Variants in BMPR1B observed in about 807,000 individuals in gnomAD.
The protein encoded by BMPR1B is bone morphogenetic protein receptor type-1B.
A neutral mutation model predicts 59.1 loss-of-function variants in BMPR1B; 12 were observed. That is an observed-to-expected ratio of 0.20 (90% CI 0.13 to 0.33). The LOEUF is 0.33. Among genes scored for constraint, BMPR1B ranks in the 10% least tolerant of loss-of-function variants. The pLI is 1.00. For missense variants in BMPR1B, 550 were observed against 610.9 expected, an observed-to-expected ratio of 0.90 and a Z score of 1.05; for synonymous variants, 237 against 207.3, an observed-to-expected ratio of 1.14 and a Z score of -1.23.
chr4:95,053,949 C>G (rs773846245), intron 3 of BMPR1B, among the ~76,000 whole-genome samples: 2 of 152,102 alleles, frequency 1.3e-5, no homozygotes, highest in Non-Finnish European at 2.9e-5. Context: ...ATTATTAATT[C>G]TGCGTCTACT....
intron 2 of BMPR1B, among the ~76,000 whole-genome samples, chr4:94,950,383 G>A (rs1729885889): frequency 6.6e-6 from 1 of 152,048 alleles, no homozygotes; most frequent in African/African-American, 2.4e-5. Context: ...GTCCTGAATG[G>A]TATTGCCTAG....
At chr4:94,817,315 A>G (rs932466436) in intron 1 of BMPR1B, among the ~76,000 whole-genome samples, 3 of 152,384 alleles carry the variant, frequency 2.0e-5, no homozygotes, top group Non-Finnish European at 4.4e-5. Flanking sequence ...TGGCTGGTAT[A>G]GAAGACAGCA....
chr4:95,088,070 T>C (rs953372297), intron 3 of BMPR1B, among the ~76,000 whole-genome samples: 16 of 152,338 alleles, frequency 1.1e-4, no homozygotes, highest in African/African-American at 3.4e-4. Context: ...ATGTCCCATA[T>C]TGATTTTATT....
intron 2 of BMPR1B, among the ~76,000 whole-genome samples, chr4:94,930,472 CT>C (rs940537497): frequency 6.6e-6 from 1 of 152,068 alleles, no homozygotes; most frequent in Non-Finnish European, 1.5e-5. Flanking sequence ...CATTTGCTTT[CT>C]TATTCACTAC....
intron 1 of BMPR1B, among the ~76,000 whole-genome samples, chr4:94,842,449 C>T (rs1036350583): frequency 6.6e-6 from 1 of 152,064 alleles, no homozygotes; most frequent in African/African-American, 2.4e-5. Flanking sequence ...AAAATATTTT[C>T]CACTTTAAAG....
intron 2 of BMPR1B, among the ~76,000 whole-genome samples, chr4:94,984,135 CATT>C (rs1323797799): frequency 3.3e-5 from 5 of 152,262 alleles, no homozygotes; most frequent in Middle Eastern, 3.4e-3. Flanking sequence ...ATTAAGAAAA[CATT>C]GTTGGTGCCA....
intron 6 of BMPR1B, among the ~76,000 whole-genome samples, chr4:95,120,792 C>T (rs1274776132): frequency 6.7e-6 from 1 of 149,634 alleles, no homozygotes; most frequent in Non-Finnish European, 1.5e-5. Context: ...CTTCCCTCCC[C>T]CTGCTCCCCT....
intron 2 of BMPR1B, among the ~76,000 whole-genome samples, chr4:94,944,645 G>T (rs12512681): frequency 0.24 from 35,813 of 152,102 alleles, 4,478 homozygotes; most frequent in Middle Eastern, 0.28. Context: ...GTGAAATGAT[G>T]ATGATGTTTA....
intron 3 of BMPR1B, among the ~76,000 whole-genome samples, chr4:95,094,091 T>C (rs531593183): frequency 1.3e-5 from 2 of 152,232 alleles, no homozygotes; most frequent in Admixed American, 6.6e-5. Context: ...AGTTGATTTG[T>C]CTCACAGTGT....
At chr4:95,126,387 A>G (rs1280551534) in intron 8 of BMPR1B, among the ~76,000 whole-genome samples, 5 of 152,222 alleles carry the variant, frequency 3.3e-5, no homozygotes, top group Non-Finnish European at 7.3e-5. Context: ...TTTGGCTCAC[A>G]TCATATAATG....
chr4:94,801,451 A>G (rs1346115630), intron 1 of BMPR1B, among the ~76,000 whole-genome samples: 2 of 152,194 alleles, frequency 1.3e-5, no homozygotes, highest in Non-Finnish European at 2.9e-5. Context: ...CCGTCACTGC[A>G]CAATTAAGCC....
chr4:95,141,311 A>G (rs1734215618), intron 10 of BMPR1B, among the ~76,000 whole-genome samples: 1 of 152,024 alleles, frequency 6.6e-6, no homozygotes, highest in Admixed American at 6.6e-5. Context: ...GGATATTTAG[A>G]CTTTAATTAC....
intron 1 of BMPR1B, among the ~76,000 whole-genome samples, chr4:94,809,533 G>A (rs918388417): frequency 6.6e-5 from 10 of 152,148 alleles, no homozygotes; most frequent in African/African-American, 2.4e-4. Context: ...TGATCAGAGA[G>A]TACACACAAC....
At chr4:94,987,219 TTATA>T (rs1721476844) in intron 2 of BMPR1B, among the ~76,000 whole-genome samples, 2 of 135,710 alleles carry the variant, frequency 1.5e-5, no homozygotes, top group Non-Finnish European at 3.0e-5. Context: ...ATATATCATA[TTATA>T]TATAATATAT....
chr4:94,921,048 G>A (rs1728668180), intron 2 of BMPR1B, among the ~76,000 whole-genome samples: 1 of 152,022 alleles, frequency 6.6e-6, no homozygotes, highest in Non-Finnish European at 1.5e-5. Flanking sequence ...ACTAATAAAA[G>A]TAACTTTTTC....
intron 2 of BMPR1B, among the ~76,000 whole-genome samples, chr4:94,948,909 G>C (rs1418500596): frequency 6.6e-6 from 1 of 152,164 alleles, no homozygotes; most frequent in African/African-American, 2.4e-5. Flanking sequence ...CTAGCTAGTA[G>C]GGAGGCAGTG....
chr4:95,144,591 A>G (rs975565608), intron 10 of BMPR1B, among the ~76,000 whole-genome samples: 2 of 151,830 alleles, frequency 1.3e-5, no homozygotes, highest in Admixed American at 1.3e-4. Context: ...CTCAAATTGT[A>G]TTTCCTTCTA....
intron 2 of BMPR1B, among the ~76,000 whole-genome samples, chr4:94,993,323 C>A (rs943056464): frequency 1.1e-4 from 16 of 152,030 alleles, no homozygotes; most frequent in Admixed American, 1.0e-3. Context: ...TAAGAATAGT[C>A]CTTTATTCAT....
rs538863627 is a variant in BMPR1B, at chr4:95,095,410, G to A, written c.-17-8998G>A. On this transcript the variant is annotated intron_variant, in intron 3 of 12. Coordinates refer to ENST00000515059, the MANE Select transcript of BMPR1B (RefSeq NM_001203.3). ...TGTTATCATAACGGTACAAATAGCTGTAGGATGGGTCATTCCCAAAGTTGT... is the reference window on the plus strand; with the variant it reads ...TGTTATCATAACGGTACAAATAGCTATAGGATGGGTCATTCCCAAAGTTGT... Among the ~76,000 whole-genome samples the A allele has an allele frequency of 2.2e-4, 33 of 152,236 alleles. No homozygotes were observed. In the South Asian group the frequency reaches 6.6e-3, roughly 31 times the overall value.
Sources: allele counts gnomAD v4.1 joint callset (sites outside exome capture counted in the v4.1 genomes callset), GRCh38; gene constraint gnomAD v4.1.1; transcripts MANE v1.5; gene names NCBI Gene and HGNC (gene_info 2026-07-23, HGNC 2026-07-21).